The following VIPR1 variants were observed in gnomAD, a reference collection of about 807,000 sequenced individuals.
The protein encoded by VIPR1 is vasoactive intestinal peptide receptor 1, also known as vasoactive intestinal polypeptide receptor 1.
Under a neutral mutation model 58.8 loss-of-function variants are expected in VIPR1, and 59 were observed. That is an observed-to-expected ratio of 1.00 (90% confidence interval 0.81 to 1.25). VIPR1 has a LOEUF of 1.25. VIPR1 is among the 50% of genes most tolerant of loss of function. The pLI, the probability that VIPR1 is intolerant of heterozygous loss-of-function variation, is 0.00. For missense variants in VIPR1, 626 were observed against 602.7 expected (o/e 1.04, Z -0.40); for synonymous variants, 251 against 242.1 (o/e 1.04, Z -0.34).
rs200064877 is a variant in VIPR1 at position 42,535,051 on chromosome 3, A to G, written c.1087A>G (p.Asn363Asp). Reference protein sequence around the residue: ...HYIMFAFFPDNFKPEVKMVFE... With the variant: ...HYIMFAFFPDDFKPEVKMVFE... ...CATCATGTTCGCCTTCTTTCCGGAC[A>G]ATTTTAAGCCTGAAGTGAAGATGGT... The change falls in exon 11 of 13, where the codon AAT becomes GAT. Residue 363 changes from asparagine to aspartate, a missense_variant. Coordinates refer to ENST00000325123, the MANE Select transcript of VIPR1 (RefSeq NM_004624.4). 9 of 1,614,172 alleles carry G rather than the reference A, an allele frequency of 5.6e-6. No individual in the cohort carries two copies. Among genetic ancestry groups the G allele is most frequent in the Admixed American group, 1.7e-5 (1 of 60,024 alleles).
upstream of VIPR1, among the ~76,000 whole-genome samples, chr3:42,498,813 G>A (rs894386794): frequency 2.0e-5 from 3 of 152,198 alleles, no homozygotes; most frequent in Non-Finnish European, 4.4e-5. Context: ...ATGAGTGCGG[G>A]TGTTGAGACG....
chr3:42,531,074 G>T (rs1701519023), intron 7 of VIPR1, 142 bp downstream of exon 7: 6 of 1,104,022 alleles, frequency 5.4e-6, no homozygotes, highest in Non-Finnish European at 7.7e-6. Flanking sequence ...TCAGCCAAGG[G>T]TCAAGAAAGT....
At chr3:42,491,433 C>T (rs1559472878) in intron 1 of VIPR1, among the ~76,000 whole-genome samples, 1 of 152,062 alleles carries the variant, frequency 6.6e-6, no homozygotes, top group Non-Finnish European at 1.5e-5. Context: ...AATGGTAGAT[C>T]TGTAATTGGA....
rs778484751 is a variant in VIPR1, at chr3:42,527,432, A to G, written c.439A>G (p.Thr147Ala). The change falls in exon 5 of 13, where the codon ACC becomes GCC. Residue 147 changes from threonine (T) to alanine (A), a missense_variant. Thr to Ala is a moderately conservative substitution (Grantham distance 58, BLOSUM62 0). Transcript: ENST00000325123. Reference protein sequence around the residue: ...MFYGSVKTGYTIGYGLSLATL... With the variant: ...MFYGSVKTGYAIGYGLSLATL... ...CTACGGTTCTGTGAAGACCGGCTAC[A>G]CCATTGGCTACGGCCTGTCCCTCGC... The G allele has an allele frequency of 5.6e-5, 91 of 1,613,782 alleles. No homozygotes were observed. The highest frequency in any genetic ancestry group is 7.5e-5 in the Non-Finnish European group (89 of 1,179,898).
chr3:42,522,111 T>C (rs1349266008), intron 3 of VIPR1, among the ~76,000 whole-genome samples: 1 of 56,860 alleles, frequency 1.8e-5, no homozygotes. Flanking sequence ...ATTTTTTTTT[T>C]TTTTTTTTTT....
chr3:42,498,930 C>T (rs1699816884), upstream of VIPR1, among the ~76,000 whole-genome samples: 1 of 152,212 alleles, frequency 6.6e-6, no homozygotes, highest in African/African-American at 2.4e-5. Flanking sequence ...CACCAAATTA[C>T]AGCCTGGAGT....
At chr3:42,514,541 C>CCACACACA (rs111610459) in intron 2 of VIPR1, among the ~76,000 whole-genome samples, 12,719 of 143,896 alleles carry the variant, frequency 0.088, 593 homozygotes, top group East Asian at 0.19. Context: ...GATAGTGACA[C>CCACACACA]CACACACACA....
chr3:42,524,291 G>T (rs1701115637), intron 3 of VIPR1, among the ~76,000 whole-genome samples: 1 of 152,216 alleles, frequency 6.6e-6, no homozygotes, highest in Non-Finnish European at 1.5e-5. Flanking sequence ...GCCCACCTCT[G>T]GCTGCAATGA....
intron 12 of VIPR1, 64 bp downstream of exon 12, chr3:42,535,448 T>G: frequency 1.3e-6 from 2 of 1,561,040 alleles, no homozygotes; most frequent in East Asian, 4.5e-5. Flanking sequence ...TCCGGAAACA[T>G]TGGTGGGATA....
intron 1 of VIPR1, chr3:42,511,812 C>T (rs1446292537): frequency 1.3e-5 from 2 of 152,182 alleles, no homozygotes; most frequent in Non-Finnish European, 2.9e-5. Flanking sequence ...GAAGCCACCT[C>T]TGAGATCTTC....
chr3:42,523,781 T>C (rs1338997228), intron 3 of VIPR1, among the ~76,000 whole-genome samples: 2 of 152,158 alleles, frequency 1.3e-5, no homozygotes, highest in Non-Finnish European at 2.9e-5. Context: ...AAAGCTCCAG[T>C]GTCCCAGCTT....
At position 42,536,743 on chromosome 3, in the gene VIPR1, T is replaced by G; in HGVS notation, c.*462T>G. Reference sequence around the variant, plus strand: ...ACGGTAGTGCCTGAAATTTCACCATTGCTGTCAAGTTCCTTTGGGTTAAGC... The same window carrying G: ...ACGGTAGTGCCTGAAATTTCACCATGGCTGTCAAGTTCCTTTGGGTTAAGC... On this transcript the variant is annotated 3_prime_UTR_variant, in exon 13 of 13. Coordinates refer to ENST00000325123, the MANE Select transcript of VIPR1 (RefSeq NM_004624.4). 1 of 157,022 alleles carries G rather than the reference T, an allele frequency of 6.4e-6. No homozygotes were observed. The highest frequency in any genetic ancestry group is 1.4e-5 in the Non-Finnish European group (1 of 71,450). 9.7% of individuals were successfully genotyped at this position (157,022 alleles called of 1,614,324 possible).
chr3:42,532,219 G>C (rs376168114), intron 9 of VIPR1, 23 bp from the exon 10 acceptor site: 1 of 1,613,304 alleles, frequency 6.2e-7, no homozygotes, highest in East Asian at 2.2e-5. Flanking sequence ...CTGACTGCCC[G>C]AACTCGGGTC....
At chr3:42,509,591 A>T (rs1486242571) in intron 1 of VIPR1, 1 of 152,168 alleles carries the variant, frequency 6.6e-6, no homozygotes, top group Non-Finnish European at 1.5e-5. Context: ...AGGCAGCCTG[A>T]CCCTGCCGTT....
chr3:42,530,303 G>A (rs142941227), intron 6 of VIPR1: 59 of 169,218 alleles, frequency 3.5e-4, no homozygotes, highest in Middle Eastern at 3.0e-3. Context: ...TGGGTGCAGA[G>A]ATGAATGGAT....
chr3:42,513,004 C>T (rs1700436120), intron 1 of VIPR1: 1 of 959,416 alleles, frequency 1.0e-6, no homozygotes, highest in Non-Finnish European at 1.2e-6. Flanking sequence ...GGCCAGGGTA[C>T]AGGGAGGGGA....
chr3:42,528,503 T>G, intron 6 of VIPR1: 1 of 224,032 alleles, frequency 4.5e-6, no homozygotes, highest in Non-Finnish European at 9.0e-6. Context: ...CCAAGATTCC[T>G]TCCAACTCTG....
At chr3:42,516,869 T>C (rs1700655254) in intron 2 of VIPR1, 1 of 152,192 alleles carries the variant, frequency 6.6e-6, no homozygotes, top group Non-Finnish European at 1.5e-5. Flanking sequence ...AAGTTATTCA[T>C]CCAAAGAGGT....
chr3:42,528,161 G>A lies in VIPR1; in HGVS notation c.636+38G>A, dbSNP rs769950820. On this transcript the variant is annotated intron_variant, in intron 6 of 12. Transcript: ENST00000325123. Reference sequence around the variant, plus strand: ...GCCCTGGCCCACCTCCCTCAGTCTCGCCGTTATCTTTAACCACTGTAATCT... The same window carrying A: ...GCCCTGGCCCACCTCCCTCAGTCTCACCGTTATCTTTAACCACTGTAATCT... 15 of 1,604,912 alleles carry A rather than the reference G, an allele frequency of 9.3e-6. No homozygotes were observed. The East Asian group carries it at 1.1e-4, about 12-fold the overall frequency.
Sources: gnomAD v4.1 joint callset for allele counts (sites outside exome capture counted in the v4.1 genomes callset) on GRCh38, gnomAD v4.1.1 for gene constraint, MANE v1.5 for transcripts, NCBI Gene and HGNC (gene_info 2026-07-23, HGNC 2026-07-21) for gene names.